GATB: variants seen among roughly 807,000 people sequenced by gnomAD.
GATB encodes glutamyl-tRNA amidotransferase subunit B.
Under a neutral mutation model 62.3 loss-of-function variants are expected in GATB, and 39 were observed. The ratio of observed to expected loss-of-function variants is 0.63; its 90% CI spans 0.48 to 0.82. The LOEUF is 0.82. Among genes scored for constraint, GATB ranks in the 40% least tolerant of loss-of-function variants. GATB has a pLI of 0.00. For synonymous variants in GATB, 276 were observed against 258.9 expected, an observed-to-expected ratio of 1.07 and a Z score of -0.63; for missense variants, 670 against 684.0, an observed-to-expected ratio of 0.98 and a Z score of 0.23.
At chr4:151,699,368 G>A (rs530150012) in intron 9 of GATB, among the ~76,000 whole-genome samples, 21 of 147,508 alleles carry the variant, frequency 1.4e-4, no homozygotes, top group African/African-American at 5.1e-4. Flanking sequence ...CAGCCTGGGC[G>A]AGAGTTGAGA....
Position 151,717,068 on chromosome 4 carries a change from A to T in GATB, c.448T>A (p.Tyr150Asn), listed in dbSNP as rs770387550. ...GGGAGCCTCTGCTGGGTAATTTGGT[A>T]GCCTGCCTGCACACAAACATAGGGT... ...HYFYADLPAG[Y>N]QITQQRLPIA... The change falls in exon 4 of 13, where the codon TAC (tyrosine) becomes AAC (asparagine). Residue 150 changes from tyrosine to asparagine, a missense_variant. Physicochemically the swap from Tyr to Asn is moderately radical, Grantham distance 143. Coordinates refer to ENST00000263985, the MANE Select transcript of GATB (RefSeq NM_004564.3). 6.2e-7 allele frequency: 1 copy of T among 1,614,136 alleles called. No individual in the cohort carries two copies. The highest frequency in any genetic ancestry group is 2.2e-5 in the East Asian group (1 of 44,874).
intron 9 of GATB, among the ~76,000 whole-genome samples, chr4:151,697,495 T>A (rs1257619981): frequency 6.6e-6 from 1 of 151,930 alleles, no homozygotes; most frequent in Non-Finnish European, 1.5e-5. Context: ...GAATAAGGGA[T>A]GACAAATACT....
chr4:151,724,557 C>T (rs1009817096), intron 2 of GATB: 1 of 152,256 alleles, frequency 6.6e-6, no homozygotes, highest in East Asian at 1.9e-4. Context: ...CTCTAGCTTC[C>T]TCTTCCTCCA....
At position 151,716,069 on chromosome 4, in the gene GATB, C is replaced by A. The variant is rs993137030; in HGVS notation, c.703G>T (p.Ala235Ser). ...AGGATCAGCTGCAGCTCCCTGACAG[C>A]TGTTGCCGCCTCTTCTCCACAGGAC... ...DMSCGEEAAT[A>S]VRELQLILQA... The change falls in exon 5 of 13, where the codon GCT (alanine) becomes TCT (serine). Residue 235 changes from alanine (A) to serine (S), a missense_variant. Physicochemically the swap from Ala to Ser is moderately conservative, Grantham distance 99. Coordinates refer to ENST00000263985, the MANE Select transcript of GATB (RefSeq NM_004564.3). The A allele has an allele frequency of 6.2e-7, 1 of 1,613,876 alleles. No individual in the cohort carries two copies. Among genetic ancestry groups the A allele is most frequent in the Non-Finnish European group, 8.5e-7 (1 of 1,179,960 alleles).
At chr4:151,684,609 G>A (rs1738207265) in intron 10 of GATB, among the ~76,000 whole-genome samples, 1 of 152,226 alleles carries the variant, frequency 6.6e-6, no homozygotes, top group South Asian at 2.1e-4. Context: ...ATTAATTAAT[G>A]TTTGCTCTAT....
intron 2 of GATB, among the ~76,000 whole-genome samples, chr4:151,746,611 C>T (rs1350188128): frequency 6.6e-6 from 1 of 152,158 alleles, no homozygotes; most frequent in Non-Finnish European, 1.5e-5. Flanking sequence ...AGCTGTAATC[C>T]TGCCTATAAG....
chr4:151,701,204 AGT>A, intron 9 of GATB, 123 bp downstream of exon 9: 1 of 587,672 alleles, frequency 1.7e-6, no homozygotes, highest in South Asian at 4.2e-5. Context: ...TAGCATCTAT[AGT>A]ACAACCCAAG....
Position 151,760,776 on chromosome 4 carries a change from T to C in GATB, c.176+31A>G. The C allele has an allele frequency of 2.6e-6, 4 of 1,534,506 alleles. No homozygotes were observed. In the South Asian group the frequency reaches 3.7e-5, roughly 14 times the overall value. On this transcript the variant is annotated intron_variant, in intron 1 of 12. Transcript: ENST00000263985. ...CAGTCCTGCAGTTCCACCTCACAGT[T>C]AGGTGGGCAGAAATGTATGAAACAG...
At chr4:151,674,864 TC>T (rs1308431441) in intron 11 of GATB, 1 of 152,244 alleles carries the variant, frequency 6.6e-6, no homozygotes, top group Non-Finnish European at 1.5e-5. Context: ...ACGCAGCAGT[TC>T]CCTCCAGGAA....
intron 9 of GATB, among the ~76,000 whole-genome samples, chr4:151,700,577 C>T (rs1322067921): frequency 6.6e-6 from 1 of 152,216 alleles, no homozygotes; most frequent in Non-Finnish European, 1.5e-5. Flanking sequence ...GATCCTGCTG[C>T]CCCAAAAGAT....
intron 10 of GATB, among the ~76,000 whole-genome samples, chr4:151,686,039 C>T (rs12647420): frequency 0.42 from 63,289 of 151,584 alleles, 13,688 homozygotes; most frequent in South Asian, 0.57. Context: ...GGTGACAGGG[C>T]GAGACTCTGT....
intron 9 of GATB, 85 bp downstream of exon 9, chr4:151,701,244 T>A (rs1738595041): frequency 1.8e-6 from 2 of 1,128,296 alleles, no homozygotes; most frequent in African/African-American, 3.2e-5. Flanking sequence ...TCAGAGCCCA[T>A]GGCAGCCTGT....
chr4:151,738,529 C>T (rs1243531870), intron 2 of GATB, among the ~76,000 whole-genome samples: 1 of 152,126 alleles, frequency 6.6e-6, no homozygotes, highest in Non-Finnish European at 1.5e-5. Flanking sequence ...TTGTAAATTG[C>T]CCAGTCTCAG....
intron 2 of GATB, among the ~76,000 whole-genome samples, chr4:151,735,734 G>GTATATATATATATATA (rs1491213513): frequency 0.012 from 1,134 of 93,536 alleles, 250 homozygotes; most frequent in African/African-American, 0.047. Context: ...ATAAACTGTG[G>GTATATATATATATATA]TGTATATATA....
At chr4:151,728,605 C>A (rs1477088192) in intron 2 of GATB, among the ~76,000 whole-genome samples, 1 of 152,150 alleles carries the variant, frequency 6.6e-6, no homozygotes, top group Non-Finnish European at 1.5e-5. Flanking sequence ...ACTGTCAAGT[C>A]TTTTCTGATG....
At chr4:151,738,008 C>T (rs1467187480) in intron 2 of GATB, among the ~76,000 whole-genome samples, 1 of 152,066 alleles carries the variant, frequency 6.6e-6, no homozygotes. Context: ...GAGTCAGAGC[C>T]CCCAGAGCCC....
intron 2 of GATB, among the ~76,000 whole-genome samples, chr4:151,740,771 C>T (rs1739468722): frequency 6.6e-6 from 1 of 152,158 alleles, no homozygotes; most frequent in African/African-American, 2.4e-5. Flanking sequence ...GGGAACTGTC[C>T]ATGGAAGAAA....
At chr4:151,699,772 G>C (rs1738561631) in intron 9 of GATB, among the ~76,000 whole-genome samples, 1 of 145,788 alleles carries the variant, frequency 6.9e-6, no homozygotes, top group African/African-American at 2.7e-5. Context: ...TATGGAGACA[G>C]CTAATACACA....
chr4:151,760,807 C>T lies in GATB; in HGVS notation c.176G>A (p.Gly59Asp). 6.2e-7 allele frequency: 1 copy of T among 1,601,268 alleles called. No homozygotes were observed. Among genetic ancestry groups the T allele is most frequent in the Non-Finnish European group, 8.5e-7 (1 of 1,173,496 alleles). ...PLHTAQKTRK[G>D]EHKWAAVVGL... The stretch of plus-strand genomic sequence containing the variant: ...GGCAGAAATGTATGAAACAGAATAC[C>T]CTTTCCTCGTCTTCTGGGCCGTGTG... Residue 59 changes from glycine (G) to aspartate (D), a missense_variant and splice_region_variant, in exon 1 of 13, where the codon GGT becomes GAT. Gly to Asp is a moderately conservative substitution (Grantham distance 94). Coordinates refer to ENST00000263985, the MANE Select transcript of GATB (RefSeq NM_004564.3).
Sources: allele counts gnomAD v4.1 joint callset (sites outside exome capture counted in the v4.1 genomes callset), GRCh38; gene constraint gnomAD v4.1.1; transcripts MANE v1.5; gene names NCBI Gene and HGNC (gene_info 2026-07-23, HGNC 2026-07-21).